Variants in SCFD1 observed in about 807,000 individuals in gnomAD.
SCFD1 encodes sec1 family domain containing 1.
Under a neutral mutation model 103.2 loss-of-function variants are expected in SCFD1, and 37 were observed. The ratio of observed to expected loss-of-function variants is 0.36; its 90% confidence interval spans 0.28 to 0.47. The LOEUF is 0.47. SCFD1 is among the 20% of genes least tolerant of loss of function. The pLI is 1.00. For missense variants in SCFD1, 639 were observed against 761.2 expected, an observed-to-expected ratio of 0.84 and a Z score of 1.89; for synonymous variants, 264 against 245.0, an observed-to-expected ratio of 1.08 and a Z score of -0.73.
chr14:30,662,161 C>A (rs918778105), intron 10 of SCFD1, among the ~76,000 whole-genome samples: 4 of 152,086 alleles, frequency 2.6e-5, no homozygotes, highest in Non-Finnish European at 4.4e-5. Flanking sequence ...TTTTCTTTAT[C>A]ATTTCTTCTC....
intron 10 of SCFD1, among the ~76,000 whole-genome samples, chr14:30,657,307 A>G (rs1887001063): frequency 6.6e-6 from 1 of 152,212 alleles, no homozygotes; most frequent in Non-Finnish European, 1.5e-5. Flanking sequence ...CATTGTCAGA[A>G]GAGGAAATTG....
At chr14:30,692,145 G>A (rs774913483) in intron 14 of SCFD1, among the ~76,000 whole-genome samples, 1 of 151,920 alleles carries the variant, frequency 6.6e-6, no homozygotes, top group Non-Finnish European at 1.5e-5. Flanking sequence ...TCCACTTCTA[G>A]AAGTTCGTTC....
At chr14:30,695,837 A>G (rs1053112376) in intron 15 of SCFD1, among the ~76,000 whole-genome samples, 1 of 152,136 alleles carries the variant, frequency 6.6e-6, no homozygotes, top group Non-Finnish European at 1.5e-5. Flanking sequence ...GCACAACTGC[A>G]CTCCAGCCTG....
intron 4 of SCFD1, among the ~76,000 whole-genome samples, chr14:30,636,841 A>G (rs967692213): frequency 6.6e-6 from 1 of 152,050 alleles, no homozygotes; most frequent in African/African-American, 2.4e-5. Flanking sequence ...CAATTGTATA[A>G]AAATTCAATT....
intron 23 of SCFD1, among the ~76,000 whole-genome samples, chr14:30,724,254 T>G (rs1328809955): frequency 3.7e-5 from 5 of 133,596 alleles, no homozygotes; most frequent in African/African-American, 5.8e-5. Context: ...GGTTTTTTTT[T>G]TTTTTTTTTT....
At position 30,729,934 on chromosome 14, in the gene SCFD1, G is replaced by A. The variant is rs553566619; in HGVS notation, c.1837-4856G>A. On this transcript the variant is annotated intron_variant, in intron 23 of 24. Coordinates refer to ENST00000458591, the MANE Select transcript of SCFD1 (RefSeq NM_016106.4). ...GCAGGTTTGTTACATGTGTATAAATGTGCCATGTTGGTGTGCTGCGCCCAT... is the reference window on the plus strand; with the variant it reads ...GCAGGTTTGTTACATGTGTATAAATATGCCATGTTGGTGTGCTGCGCCCAT... Among the ~76,000 whole-genome samples the A allele has an allele frequency of 5.5e-4, 83 of 151,994 alleles. 3 individuals are homozygous for A. The South Asian group carries it at 0.015, about 28-fold the overall frequency.
chr14:30,728,446 A>G (rs984102537), intron 23 of SCFD1, among the ~76,000 whole-genome samples: 2 of 152,178 alleles, frequency 1.3e-5, no homozygotes, highest in Admixed American at 1.3e-4. Context: ...ATAATGTTAA[A>G]GGTGATTCCT....
intron 14 of SCFD1, among the ~76,000 whole-genome samples, chr14:30,682,064 T>C (rs958059167): frequency 6.6e-6 from 1 of 152,198 alleles, no homozygotes; most frequent in East Asian, 1.9e-4. Context: ...TCATTTTGGC[T>C]TTTGATAGGA....
chr14:30,719,605 CTGG>C (rs1221512274), intron 21 of SCFD1, among the ~76,000 whole-genome samples: 1 of 152,070 alleles, frequency 6.6e-6, no homozygotes, highest in East Asian at 1.9e-4. Flanking sequence ...TAGACGTTTA[CTGG>C]TGTTTTTATG....
intron 14 of SCFD1, among the ~76,000 whole-genome samples, chr14:30,680,302 C>T (rs1009415528): frequency 2.6e-5 from 4 of 152,128 alleles, no homozygotes; most frequent in South Asian, 2.1e-4. Context: ...CCCCAGAGAA[C>T]AGAACTAATC....
intron 23 of SCFD1, among the ~76,000 whole-genome samples, chr14:30,728,496 TAGACA>T (rs1181379254): frequency 6.6e-6 from 1 of 152,240 alleles, no homozygotes; most frequent in Non-Finnish European, 1.5e-5. Flanking sequence ...GTGTGTATTC[TAGACA>T]AGACCTGTTG....
At chr14:30,669,299 T>C (rs760777350) in intron 10 of SCFD1, among the ~76,000 whole-genome samples, 4 of 152,088 alleles carry the variant, frequency 2.6e-5, no homozygotes, top group Admixed American at 6.6e-5. Context: ...AAGATAATTA[T>C]ATTTCAGTCA....
In SCFD1 at chr14:30,668,452, G is replaced by A. The variant is rs550506156; in HGVS notation, c.856-1804G>A. 3.3e-5 allele frequency among the ~76,000 whole-genome samples: 5 copies of A among 152,242 alleles called. No individual in the cohort carries two copies. The East Asian group carries it at 9.6e-4, about 29-fold the overall frequency. On this transcript the variant is annotated intron_variant, in intron 10 of 24. Transcript: ENST00000458591. Reference sequence around the variant, plus strand: ...ACCTAAAACCATAAAAACCCTAGAAGAAAACCTAGGCAATACCATTCAGGA... The same window carrying A: ...ACCTAAAACCATAAAAACCCTAGAAAAAAACCTAGGCAATACCATTCAGGA...
chr14:30,728,853 TTTTC>T (rs888532048), intron 23 of SCFD1, among the ~76,000 whole-genome samples: 1 of 145,842 alleles, frequency 6.9e-6, no homozygotes, highest in African/African-American at 2.6e-5. Flanking sequence ...TTTTTTTTTT[TTTTC>T]CCCCCGAGAC....
intron 14 of SCFD1, among the ~76,000 whole-genome samples, chr14:30,694,160 C>T (rs1890519423): frequency 6.6e-6 from 1 of 152,096 alleles, no homozygotes; most frequent in Non-Finnish European, 1.5e-5. Context: ...GTAAACATAA[C>T]TTGACCACCT....
At chr14:30,713,250 A>G (rs1892020713) in intron 19 of SCFD1, among the ~76,000 whole-genome samples, 1 of 152,226 alleles carries the variant, frequency 6.6e-6, no homozygotes, top group Non-Finnish European at 1.5e-5. Flanking sequence ...TATTTTTTAA[A>G]ATCATTCTCT....
intron 23 of SCFD1, among the ~76,000 whole-genome samples, chr14:30,726,424 G>GGATGTGTTCATAT (rs1482132746): frequency 1.3e-5 from 2 of 152,112 alleles, no homozygotes; most frequent in African/African-American, 4.8e-5. Flanking sequence ...TTTGGTCATA[G>GGATGTGTTCATAT]GATGTGTTCA....
At chr14:30,683,984 G>A (rs7141333) in intron 14 of SCFD1, among the ~76,000 whole-genome samples, 56,924 of 152,084 alleles carry the variant, frequency 0.37, 11,978 homozygotes, top group East Asian at 0.62. Context: ...GGGAATTATC[G>A]CTAGCAGCAA....
At position 30,722,464 on chromosome 14, in the gene SCFD1, T is replaced by TG. The variant is rs751036415; in HGVS notation, c.1771-30_1771-29insG. The TG allele has an allele frequency of 8.8e-6, 13 of 1,480,720 alleles. No individual in the cohort carries two copies. The South Asian group carries it at 8.9e-5, about 10-fold the overall frequency. 91.7% of individuals were successfully genotyped at this position (1,480,720 alleles called of 1,614,324 possible). A position where few individuals can be genotyped will look rare whatever the true frequency, so the allele number is the denominator to read the frequency against. ...AGAGGTTTCAGACTAAAAACTGTGT[T>TG]TTTTTTTTTTTAATCTGTTTGCATT... On this transcript the variant is annotated intron_variant, in intron 22 of 24. Transcript: ENST00000458591.
Sources: allele counts gnomAD v4.1 joint callset (sites outside exome capture counted in the v4.1 genomes callset), GRCh38; gene constraint gnomAD v4.1.1; transcripts MANE v1.5; gene names NCBI Gene and HGNC (gene_info 2026-07-23, HGNC 2026-07-21).